Variants in UQCRH observed in about 807,000 individuals in gnomAD.
The protein encoded by UQCRH is ubiquinol-cytochrome c reductase hinge protein.
A neutral mutation model predicts 16.3 loss-of-function variants in UQCRH; 14 were observed. The observed-to-expected ratio is 0.86, with a 90% CI of 0.57 to 1.34. The LOEUF is 1.34. Among genes scored for constraint, UQCRH ranks in the 40% most tolerant of loss-of-function variants. UQCRH has a pLI of 0.00. For synonymous variants in UQCRH, 41 were observed against 41.9 expected, an observed-to-expected ratio of 0.98 and a Z score of 0.08; for missense variants, 89 against 111.9, an observed-to-expected ratio of 0.80 and a Z score of 0.92.
rs376061666 is a variant in UQCRH at position 46,305,983 on chromosome 1, G to C, written c.54+2163G>C. Among the ~76,000 whole-genome samples the C allele has an allele frequency of 4.9e-4, 74 of 152,068 alleles. 1 individual carries two copies. In the South Asian group the frequency reaches 0.014, roughly 29 times the overall value. On this transcript the variant is annotated intron_variant, in intron 1 of 3. Transcript: ENST00000311672. ...ACCTAATTTTTGTATTTTTAGTAGA[G>C]ACAGGGTTTCACCGTGTTAGCCAGG...
chr1:46,311,928 CTTTT>C (rs544962011), intron 3 of UQCRH, among the ~76,000 whole-genome samples: 2 of 130,668 alleles, frequency 1.5e-5, no homozygotes, highest in Admixed American at 7.8e-5. Flanking sequence ...TGCACCCAGC[CTTTT>C]TTTTTTTTTT....
At chr1:46,310,443 G>A in intron 3 of UQCRH, 127 bp downstream of exon 3, 1 of 1,370,400 alleles carries the variant, frequency 7.3e-7, no homozygotes. Context: ...GACATATGGT[G>A]CGCTGAGCAT....
intron 2 of UQCRH, 110 bp downstream of exon 2, chr1:46,309,237 G>T (rs1301374565): frequency 2.4e-6 from 3 of 1,251,862 alleles, no homozygotes; most frequent in Non-Finnish European, 3.4e-6. Flanking sequence ...TAGATAATGG[G>T]GGTGGAATAA....
At chr1:46,309,952 C>G (rs76150766) in intron 2 of UQCRH, 1 of 1,446,428 alleles carries the variant, frequency 6.9e-7, no homozygotes, top group Non-Finnish European at 9.0e-7. Flanking sequence ...GAATGTGAAA[C>G]TTTTCCCTAC....
At chr1:46,315,009 A>G (rs1661555611) in intron 3 of UQCRH, among the ~76,000 whole-genome samples, 1 of 152,206 alleles carries the variant, frequency 6.6e-6, no homozygotes, top group South Asian at 2.1e-4. Context: ...TGTACAGTTA[A>G]AAATGATTAA....
At chr1:46,312,776 A>T (rs1219009425) in intron 3 of UQCRH, among the ~76,000 whole-genome samples, 1 of 152,122 alleles carries the variant, frequency 6.6e-6, no homozygotes. Flanking sequence ...AAGGTATTTT[A>T]CATAAATTAT....
chr1:46,309,128 G>C lies in UQCRH; in HGVS notation c.81+1G>C. The C allele has an allele frequency of 6.2e-7, 1 of 1,612,390 alleles. No homozygotes were observed. The highest frequency in any genetic ancestry group is 8.5e-7 in the Non-Finnish European group (1 of 1,179,608). Reference sequence around the variant, plus strand: ...GGAAGAGGAAGAGGAGGAATTAGTGGTAAGAACTGTCTCAGGTTTGGAAAC... The same window carrying C: ...GGAAGAGGAAGAGGAGGAATTAGTGCTAAGAACTGTCTCAGGTTTGGAAAC... On this transcript the variant is annotated splice_donor_variant, in intron 2 of 3. Transcript: ENST00000311672. LOFTEE classifies it high-confidence loss of function.
intron 3 of UQCRH, among the ~76,000 whole-genome samples, chr1:46,314,669 G>A (rs1481102360): frequency 7.1e-6 from 1 of 140,194 alleles, no homozygotes; most frequent in Non-Finnish European, 1.5e-5. Flanking sequence ...GCAAAACTCC[G>A]TCTCAAAAAA....
chr1:46,309,814 C>G (rs1286805736), intron 2 of UQCRH: 7 of 1,223,308 alleles, frequency 5.7e-6, no homozygotes, highest in African/African-American at 3.1e-5. Flanking sequence ...GTGTCATATT[C>G]CAAAATGCTG....
chr1:46,305,789 G>A (rs911995516), intron 1 of UQCRH, among the ~76,000 whole-genome samples: 1 of 148,604 alleles, frequency 6.7e-6, no homozygotes, highest in African/African-American at 2.5e-5. Flanking sequence ...AATAAACTAT[G>A]GTATTCTATG....
intron 1 of UQCRH, 51 bp from the exon 2 acceptor site, chr1:46,309,050 T>A (rs367649513): frequency 1.3e-5 from 20 of 1,592,350 alleles, no homozygotes; most frequent in Non-Finnish European, 1.7e-5. Context: ...TGATCAGGAA[T>A]AAATATGTCA....
intron 1 of UQCRH, among the ~76,000 whole-genome samples, chr1:46,304,032 T>A (rs554961202): frequency 1.3e-5 from 2 of 152,358 alleles, no homozygotes; most frequent in Admixed American, 1.3e-4. Context: ...GCTTCTGCAT[T>A]CTGTGAATGT....
intron 1 of UQCRH, among the ~76,000 whole-genome samples, chr1:46,306,999 C>T (rs1315562205): frequency 2.0e-5 from 3 of 152,202 alleles, no homozygotes; most frequent in Non-Finnish European, 4.4e-5. Context: ...GATCCTCCCA[C>T]CTCGGCCTTC....
At chr1:46,304,486 A>G (rs1287085872) in intron 1 of UQCRH, among the ~76,000 whole-genome samples, 2 of 151,676 alleles carry the variant, frequency 1.3e-5, no homozygotes, top group African/African-American at 4.9e-5. Context: ...CCTGGGTTCA[A>G]GCGATTCTCC....
chr1:46,308,318 G>A (rs1049082764), intron 1 of UQCRH, among the ~76,000 whole-genome samples: 2 of 152,156 alleles, frequency 1.3e-5, no homozygotes, highest in Admixed American at 6.5e-5. Context: ...GTCTGAGCTC[G>A]TCAGGAGGCA....
At chr1:46,312,394 C>T (rs542185529) in intron 3 of UQCRH, among the ~76,000 whole-genome samples, 4 of 152,108 alleles carry the variant, frequency 2.6e-5, no homozygotes, top group African/African-American at 9.7e-5. Flanking sequence ...CGTGAGCCAC[C>T]GCACCTGGCC....
intron 1 of UQCRH, among the ~76,000 whole-genome samples, chr1:46,305,648 A>T (rs993017134): frequency 6.6e-6 from 1 of 151,708 alleles, no homozygotes; most frequent in African/African-American, 2.4e-5. Context: ...CAGCTACTCG[A>T]GAGGCTGAGG....
intron 3 of UQCRH, among the ~76,000 whole-genome samples, chr1:46,311,640 T>C (rs564026823): frequency 3.9e-4 from 59 of 150,996 alleles, no homozygotes; most frequent in Non-Finnish European, 8.1e-4. Context: ...TCGCCCAGGC[T>C]GGAGTGCAGT....
chr1:46,309,951 AC>A (rs1352299752), intron 2 of UQCRH: 2 of 1,446,140 alleles, frequency 1.4e-6, no homozygotes, highest in African/African-American at 2.9e-5. Flanking sequence ...GGAATGTGAA[AC>A]TTTTCCCTAC....
Sources: gnomAD v4.1 joint callset for allele counts (sites outside exome capture counted in the v4.1 genomes callset) on GRCh38, gnomAD v4.1.1 for gene constraint, MANE v1.5 for transcripts, NCBI Gene and HGNC (gene_info 2026-07-23, HGNC 2026-07-21) for gene names.